The following NEK11 variants were observed in gnomAD, a reference collection of about 807,000 sequenced individuals.
NEK11 encodes NIMA related kinase 11.
In NEK11, 72 loss-of-function variants were observed where a neutral mutation model predicts 80.7. That is an observed-to-expected ratio of 0.89 (90% CI 0.74 to 1.08). NEK11 has a LOEUF of 1.08. Among genes scored for constraint, NEK11 ranks in the 50% least tolerant of loss-of-function variants. The pLI is 0.00. For synonymous variants in NEK11, 251 were observed against 260.7 expected, an observed-to-expected ratio of 0.96 and a Z score of 0.36; for missense variants, 764 against 763.6, an observed-to-expected ratio of 1.00 and a Z score of -0.01.
chr3:131,228,978 G>A (rs1315743724), intron 15 of NEK11, among the ~76,000 whole-genome samples: 4 of 152,114 alleles, frequency 2.6e-5, no homozygotes, highest in Admixed American at 6.5e-5. Flanking sequence ...GGAGGGCTTC[G>A]TATACAGCTA....
At chr3:131,255,567 G>A (rs1423480251) in intron 16 of NEK11, among the ~76,000 whole-genome samples, 5 of 152,024 alleles carry the variant, frequency 3.3e-5, no homozygotes, top group Admixed American at 2.6e-4. Flanking sequence ...CATTCCAGTA[G>A]CACCAAACTT....
intron 17 of NEK11, among the ~76,000 whole-genome samples, chr3:131,310,657 G>A (rs2096772928): frequency 1.3e-5 from 2 of 152,164 alleles, no homozygotes; most frequent in Non-Finnish European, 2.9e-5. Flanking sequence ...CACCTTTTGA[G>A]TGTCAGCTGC....
intron 4 of NEK11, among the ~76,000 whole-genome samples, chr3:131,106,300 TTC>T (rs2079171439): frequency 6.6e-6 from 1 of 151,732 alleles, no homozygotes; most frequent in Non-Finnish European, 1.5e-5. Context: ...TTTTTTTTTT[TTC>T]CCATCCTTCG....
intron 17 of NEK11, among the ~76,000 whole-genome samples, chr3:131,275,118 T>C (rs768465442): frequency 1.3e-5 from 2 of 152,120 alleles, no homozygotes; most frequent in African/African-American, 2.4e-5. Context: ...ATAACATAAT[T>C]ACCATGGCAA....
At chr3:131,260,292 T>C (rs1297468444) in intron 16 of NEK11, among the ~76,000 whole-genome samples, 2 of 152,168 alleles carry the variant, frequency 1.3e-5, no homozygotes, top group Admixed American at 1.3e-4. Context: ...ACAGTTCTAG[T>C]CTGGGCTCTG....
At chr3:131,193,965 A>C (rs1050375833) in intron 14 of NEK11, among the ~76,000 whole-genome samples, 2 of 152,204 alleles carry the variant, frequency 1.3e-5, no homozygotes, top group Admixed American at 1.3e-4. Flanking sequence ...TTTTCAAAAA[A>C]ATAGTCCTTG....
intron 14 of NEK11, among the ~76,000 whole-genome samples, chr3:131,216,502 C>G (rs2094839915): frequency 6.6e-6 from 1 of 152,226 alleles, no homozygotes; most frequent in Non-Finnish European, 1.5e-5. Context: ...GAGATGATTG[C>G]AGAGCTGAGT....
At chr3:131,229,782 AGAG>A (rs1403738071) in intron 15 of NEK11, among the ~76,000 whole-genome samples, 1 of 152,112 alleles carries the variant, frequency 6.6e-6, no homozygotes, top group Admixed American at 6.5e-5. Context: ...GATGAGATAA[AGAG>A]GAGAAAGAGA....
intron 5 of NEK11, among the ~76,000 whole-genome samples, chr3:131,124,148 C>T (rs1194280086): frequency 6.6e-6 from 1 of 152,124 alleles, no homozygotes; most frequent in Non-Finnish European, 1.5e-5. Flanking sequence ...GCATGTCACT[C>T]CCCCCTTTTT....
chr3:131,333,019 T>G (rs996392819), intron 17 of NEK11, among the ~76,000 whole-genome samples: 3 of 152,090 alleles, frequency 2.0e-5, no homozygotes, highest in African/African-American at 7.2e-5. Context: ...ACGGGGAGAA[T>G]GGAACCAAGT....
chr3:131,283,096 C>A, intron 17 of NEK11, among the ~76,000 whole-genome samples: 1 of 152,060 alleles, frequency 6.6e-6, no homozygotes, highest in Non-Finnish European at 1.5e-5. Context: ...CCTCCCATTG[C>A]CATATAGCTA....
intron 17 of NEK11, among the ~76,000 whole-genome samples, chr3:131,292,133 C>T (rs2096550309): frequency 6.6e-6 from 1 of 152,188 alleles, no homozygotes; most frequent in Admixed American, 6.6e-5. Flanking sequence ...CAATTATTTG[C>T]ATATGGATGT....
At chr3:131,288,612 C>T (rs1411163252) in intron 17 of NEK11, among the ~76,000 whole-genome samples, 2 of 151,878 alleles carry the variant, frequency 1.3e-5, no homozygotes, top group African/African-American at 4.8e-5. Context: ...ACCACCGTGC[C>T]TGGCTAATTT....
chr3:131,110,996 A>G (rs890863906), intron 5 of NEK11, among the ~76,000 whole-genome samples: 1 of 152,200 alleles, frequency 6.6e-6, no homozygotes, highest in Admixed American at 6.5e-5. Flanking sequence ...ACCCAAAGCT[A>G]CTGACTGTAA....
intron 14 of NEK11, among the ~76,000 whole-genome samples, chr3:131,188,817 A>G (rs943375178): frequency 1.3e-5 from 2 of 152,052 alleles, no homozygotes; most frequent in Non-Finnish European, 2.9e-5. Flanking sequence ...TCTACCCCAA[A>G]GTGTTTCATT....
chr3:131,340,528 G>C (rs2097268181), intron 17 of NEK11, among the ~76,000 whole-genome samples: 1 of 152,126 alleles, frequency 6.6e-6, no homozygotes, highest in South Asian at 2.1e-4. Flanking sequence ...GGTAATAAAG[G>C]AATTTGGAGG....
At chr3:131,127,230 G>A (rs2083522190) in intron 5 of NEK11, among the ~76,000 whole-genome samples, 1 of 151,722 alleles carries the variant, frequency 6.6e-6, no homozygotes, top group South Asian at 2.1e-4. Context: ...CTCCCAAAGA[G>A]CTGGGATTAT....
chr3:131,145,678 T>C (rs1008278087), intron 7 of NEK11, among the ~76,000 whole-genome samples: 1 of 152,144 alleles, frequency 6.6e-6, no homozygotes, highest in African/African-American at 2.4e-5. Flanking sequence ...AAGGCTCTGA[T>C]TGGTGCAAGA....
chr3:131,211,465 G>A (rs1274650573), intron 14 of NEK11, among the ~76,000 whole-genome samples: 1 of 152,140 alleles, frequency 6.6e-6, no homozygotes, highest in East Asian at 1.9e-4. Context: ...CTCTTCTTGA[G>A]GAGTATCTTT....
Sources: gnomAD v4.1 joint callset for allele counts (sites outside exome capture counted in the v4.1 genomes callset) on GRCh38, gnomAD v4.1.1 for gene constraint, MANE v1.5 for transcripts, NCBI Gene and HGNC (gene_info 2026-07-23, HGNC 2026-07-21) for gene names.